The following ZBTB7C variants were observed in gnomAD, a reference collection of about 807,000 sequenced individuals.
The protein encoded by ZBTB7C is zinc finger and BTB domain containing 7C, also known as zinc finger and BTB domain-containing protein 7C.
A neutral mutation model predicts 25.7 loss-of-function variants in ZBTB7C; 8 were observed. The observed-to-expected ratio is 0.31, with a 90% CI of 0.18 to 0.56. The LOEUF is 0.56. ZBTB7C is among the 20% of genes least tolerant of loss of function. ZBTB7C has a pLI of 0.91. For missense variants in ZBTB7C, 824 were observed against 855.2 expected, an observed-to-expected ratio of 0.96 and a Z score of 0.46; for synonymous variants, 394 against 369.0, an observed-to-expected ratio of 1.07 and a Z score of -0.78.
chr18:48,325,429 C>T (rs1411746558), intron 2 of ZBTB7C, among the ~76,000 whole-genome samples: 1 of 152,174 alleles, frequency 6.6e-6, no homozygotes. Context: ...AATCACAGGG[C>T]TAATATGAAA....
At chr18:48,158,944 G>A (rs1338806660) in intron 3 of ZBTB7C, among the ~76,000 whole-genome samples, 1 of 152,194 alleles carries the variant, frequency 6.6e-6, no homozygotes, top group Non-Finnish European at 1.5e-5. Flanking sequence ...CACACAGGGT[G>A]AGCTCCCCAG....
intron 3 of ZBTB7C, among the ~76,000 whole-genome samples, chr18:48,122,493 C>T (rs1246056820): frequency 6.6e-6 from 1 of 152,138 alleles, no homozygotes; most frequent in East Asian, 1.9e-4. Flanking sequence ...GTATAAGAGG[C>T]CTCCAAGCAA....
chr18:48,376,690 G>A lies in ZBTB7C; in HGVS notation c.-304+32536C>T, dbSNP rs180687314. ...GCAGTCTGGGTGTACAACCCCTTGC[G>A]GCTTTGCTTCCTGCTTTCCTGTGGC... On this transcript the variant is annotated intron_variant, in intron 1 of 4. Transcript: ENST00000590800. Among the ~76,000 whole-genome samples the A allele has an allele frequency of 6.1e-3, 935 of 152,286 alleles. 7 individuals carry two copies. Among genetic ancestry groups the A allele is most frequent in the African/African-American group, 0.02 (838 of 41,558 alleles).
At chr18:48,323,551 G>A (rs2144866801) in intron 2 of ZBTB7C, among the ~76,000 whole-genome samples, 2 of 152,302 alleles carry the variant, frequency 1.3e-5, no homozygotes, top group South Asian at 4.1e-4. Flanking sequence ...GTGGGCCTGA[G>A]ATGACCACCA....
chr18:48,155,318 CTTTTTTTTTTT>C (rs578058729), intron 3 of ZBTB7C, among the ~76,000 whole-genome samples: 2 of 78,006 alleles, frequency 2.6e-5, no homozygotes, highest in African/African-American at 5.2e-5. Flanking sequence ...CTGTAATATT[CTTTTTTTTTTT>C]TTTTTTTTTT....
intron 3 of ZBTB7C, among the ~76,000 whole-genome samples, chr18:48,171,796 T>C (rs925907443): frequency 6.6e-6 from 1 of 152,232 alleles, no homozygotes; most frequent in African/African-American, 2.4e-5. Flanking sequence ...GCAACAGCCC[T>C]GCAAGGTAGA....
chr18:48,342,734 A>C (rs1166603172), intron 1 of ZBTB7C, among the ~76,000 whole-genome samples: 1 of 151,804 alleles, frequency 6.6e-6, no homozygotes, highest in African/African-American at 2.4e-5. Flanking sequence ...ACACAACCCA[A>C]CGGCTGGCAG....
At chr18:48,194,755 C>T (rs1273507131) in intron 2 of ZBTB7C, among the ~76,000 whole-genome samples, 2 of 152,112 alleles carry the variant, frequency 1.3e-5, no homozygotes, top group East Asian at 3.9e-4. Context: ...AGCTGAGGAA[C>T]CCCAAATGCC....
rs1278659937 is a variant in ZBTB7C at position 48,081,318 on chromosome 18, C to G, written c.-16-40195G>C. Among the ~76,000 whole-genome samples, 3 of 152,270 alleles carry G rather than the reference C, an allele frequency of 2.0e-5. No homozygotes were observed. In the Middle Eastern group the frequency reaches 0.01, roughly 518 times the overall value. The stretch of plus-strand genomic sequence containing the variant: ...CACCTTGCACTCAGGTTTTCTGATT[C>G]TAGACACCTGTTGTACCATCCATGT... On this transcript the variant is annotated intron_variant, in intron 3 of 4. Transcript: ENST00000590800.
Position 48,040,832 on chromosome 18 carries a change from G to A in ZBTB7C, c.276C>T (p.Ala92=). 3.1e-6 allele frequency: 5 copies of A among 1,614,080 alleles called. No homozygotes were observed. The highest frequency in any genetic ancestry group is 4.2e-6 in the Non-Finnish European group (5 of 1,179,974). ...CGGTGATGGTGAGCGTGGAGGTGTA[G>A]GCGAACTCCAGGATAGCAGCCAGAG... ...PEALAAILEF[A]YTSTLTITAG... Residue 92 remains alanine, a synonymous_variant, in exon 4 of 5, where the codon GCC becomes GCT. Coordinates refer to ENST00000590800, the MANE Select transcript of ZBTB7C (RefSeq NM_001318841.2).
chr18:48,098,855 G>A (rs569806896), intron 3 of ZBTB7C, among the ~76,000 whole-genome samples: 159 of 152,308 alleles, frequency 1.0e-3, no homozygotes, highest in African/African-American at 3.6e-3. Flanking sequence ...AAATTGGAGA[G>A]GCCATGAGGC....
intron 4 of ZBTB7C, among the ~76,000 whole-genome samples, chr18:48,034,465 G>GAAGGCC: frequency 6.6e-6 from 1 of 152,156 alleles, no homozygotes; most frequent in Non-Finnish European, 1.5e-5. Context: ...GGCCCTCCCA[G>GAAGGCC]AAGGCCAAGC....
At chr18:48,068,849 G>A (rs984866238) in intron 3 of ZBTB7C, among the ~76,000 whole-genome samples, 21 of 152,166 alleles carry the variant, frequency 1.4e-4, no homozygotes, top group African/African-American at 4.8e-4. Context: ...TTCACAATGT[G>A]CTCCACTATT....
intron 3 of ZBTB7C, chr18:48,148,273 T>TGTTG (rs1266675419): frequency 6.6e-6 from 1 of 151,280 alleles, no homozygotes; most frequent in Non-Finnish European, 1.5e-5. Flanking sequence ...CCTCCCAAAG[T>TGTTG]GTTGGGATTA....
upstream of ZBTB7C, among the ~76,000 whole-genome samples, chr18:48,411,746 A>G (rs1190012209): frequency 6.6e-6 from 1 of 152,250 alleles, no homozygotes; most frequent in Non-Finnish European, 1.5e-5. Flanking sequence ...GCAGTAAATT[A>G]GACTCTAATA....
chr18:48,305,519 G>A lies in ZBTB7C; in HGVS notation c.-79+32655C>T, dbSNP rs538164207. Among the ~76,000 whole-genome samples the A allele has an allele frequency of 1.2e-4, 18 of 152,256 alleles. No individual in the cohort carries two copies. In the South Asian group the frequency reaches 2.7e-3, roughly 23 times the overall value. On this transcript the variant is annotated intron_variant, in intron 2 of 4. Transcript: ENST00000590800. ...GAGCATCTACCAAGTGCCCAGCACC[G>A]CGTGAGACACGTCAGACATACTAGG... is the stretch of plus-strand genomic sequence containing the variant.
At chr18:48,294,164 G>A (rs995646867) in intron 2 of ZBTB7C, among the ~76,000 whole-genome samples, 3 of 152,230 alleles carry the variant, frequency 2.0e-5, no homozygotes, top group Non-Finnish European at 4.4e-5. Flanking sequence ...GGCTTGGAGA[G>A]GGGACTAGGC....
At chr18:48,390,802 G>A (rs936137064) in intron 1 of ZBTB7C, among the ~76,000 whole-genome samples, 3 of 152,224 alleles carry the variant, frequency 2.0e-5, no homozygotes, top group Non-Finnish European at 4.4e-5. Flanking sequence ...GGGGCACTAA[G>A]AGCCTGGTCC....
At chr18:48,365,421 T>C (rs2047199872) in intron 1 of ZBTB7C, among the ~76,000 whole-genome samples, 1 of 152,242 alleles carries the variant, frequency 6.6e-6, no homozygotes, top group African/African-American at 2.4e-5. Flanking sequence ...GGGATGTCAC[T>C]CTGTGATTAT....
Sources: allele counts gnomAD v4.1 joint callset (sites outside exome capture counted in the v4.1 genomes callset), GRCh38; gene constraint gnomAD v4.1.1; transcripts MANE v1.5; gene names NCBI Gene and HGNC (gene_info 2026-07-23, HGNC 2026-07-21).